Variants in PCDHGA3 observed in about 807,000 individuals in gnomAD.
PCDHGA3 encodes the protein protocadherin gamma-A3.
Under a neutral mutation model 58.5 loss-of-function variants are expected in PCDHGA3, and 40 were observed. The ratio of observed to expected loss-of-function variants is 0.68; its 90% CI spans 0.53 to 0.89. The LOEUF (loss-of-function observed/expected upper bound fraction) is 0.89, where lower values mean the gene tolerates loss of function less well. Among genes scored for constraint, PCDHGA3 ranks in the 40% least tolerant of loss-of-function variants. PCDHGA3 has a pLI of 0.00. For missense variants in PCDHGA3, 1,223 were observed against 1,195.9 expected (o/e 1.02, Z -0.33); for synonymous variants, 530 against 525.7 (o/e 1.01, Z -0.11).
chr5:141,505,078 C>G (rs535590642), intron 2 of PCDHGA3, among the ~76,000 whole-genome samples: 81 of 152,298 alleles, frequency 5.3e-4, no homozygotes, highest in African/African-American at 2.0e-3. Flanking sequence ...AGGAGAATCG[C>G]TTGAACCCAG....
rs775654786 is a variant in PCDHGA3 at position 141,491,718 on chromosome 5, G to A, written c.2425-3089G>A. Reference sequence around the variant, plus strand: ...GGAGCCAGGTGAGGGGCTCGGCGCCGCCCCGGGCGACCCCTGGGGGCGGCA... The same window carrying A: ...GGAGCCAGGTGAGGGGCTCGGCGCCACCCCGGGCGACCCCTGGGGGCGGCA... On this transcript the variant is annotated intron_variant, in intron 1 of 3. Coordinates refer to ENST00000253812, the MANE Select transcript of PCDHGA3 (RefSeq NM_018916.4). This position sits in a 1 kb window ranked among gnomAD's most constrained non-coding sequence, Gnocchi z 6.9. 1 of 1,607,600 alleles carries A rather than the reference G, an allele frequency of 6.2e-7. No homozygotes were observed. The highest frequency in any genetic ancestry group is 2.2e-5 in the East Asian group (1 of 44,690).
At chr5:141,370,675 A>G (rs567328067) in intron 1 of PCDHGA3, 2 of 1,613,844 alleles carry the variant, frequency 1.2e-6, no homozygotes, top group African/African-American at 2.7e-5. Flanking sequence ...GACCGAGAGG[A>G]GATTTGTGGC....
chr5:141,344,898 G>A lies in PCDHGA3; in HGVS notation c.865G>A (p.Ala289Thr), dbSNP rs367550413. The A allele has an allele frequency of 2.5e-6, 4 of 1,613,686 alleles. No homozygotes were observed. Among genetic ancestry groups the A allele is most frequent in the East Asian group, 2.2e-5 (1 of 44,886 alleles). The change falls in exon 1 of 4, where the codon GCT becomes ACT. Residue 289 changes from alanine to threonine, a missense_variant. Ala to Thr is a moderately conservative substitution (Grantham distance 58). Coordinates refer to ENST00000253812, the MANE Select transcript of PCDHGA3 (RefSeq NM_018916.4). ...TCTAGATAAAATGCCTGGGAAAATC[G>A]CTGAGATTTTCCATCTTAACTCAGT... ...YILDKMPGKIAEIFHLNSVSG... is the reference protein window; with the variant it reads ...YILDKMPGKITEIFHLNSVSG...
At chr5:141,400,903 T>C (rs1489476752) in intron 1 of PCDHGA3, among the ~76,000 whole-genome samples, 1 of 152,258 alleles carries the variant, frequency 6.6e-6, no homozygotes, top group Non-Finnish European at 1.5e-5. Flanking sequence ...TTAATTCATC[T>C]TTTAAAGCAA....
chr5:141,491,542 G>T lies in PCDHGA3; in HGVS notation c.2425-3265G>T, dbSNP rs112433306. The T allele has an allele frequency of 6.2e-7, 1 of 1,613,898 alleles. No homozygotes were observed. Among genetic ancestry groups the T allele is most frequent in the Admixed American group, 1.7e-5 (1 of 60,006 alleles). On this transcript the variant is annotated intron_variant, in intron 1 of 3. Transcript: ENST00000253812. This position sits in a 1 kb window ranked among gnomAD's most constrained non-coding sequence, Gnocchi z 6.9. ...CATGGAGGTGACGCTGCGGCCCACA[G>T]ACTCGCAGAGCCACTGCTACAGGAC...
intron 1 of PCDHGA3, chr5:141,383,069 G>A (rs370612007): frequency 6.2e-7 from 1 of 1,613,886 alleles, no homozygotes; most frequent in South Asian, 1.1e-5. Flanking sequence ...CTGGAGCCCC[G>A]GGAGCTGGCG....
In PCDHGA3 at chr5:141,344,381, T is replaced by G. The variant is rs746142169; in HGVS notation, c.348T>G (p.Ile116Met). ...TTCTGGTTGAGGATAAATTGAAAAT[T>G]TTTGAAGTAGAAATAGAAATTAAAG... Reference protein sequence around the residue: ...INILVEDKLKIFEVEIEIKDI... With the variant: ...INILVEDKLKMFEVEIEIKDI... Residue 116 changes from isoleucine (I) to methionine (M), a missense_variant, in exon 1 of 4, where the codon ATT becomes ATG. Transcript: ENST00000253812. 2.5e-6 allele frequency: 4 copies of G among 1,612,816 alleles called. No individual in the cohort carries two copies. The African/African-American group carries it at 4.0e-5, about 16-fold the overall frequency.
chr5:141,344,963 G>A lies in PCDHGA3; in HGVS notation c.930G>A (p.Glu310=). ...EVSILKSLDY[E]DAMFYEIKIE... ...CAATATTAAAAAGTCTAGATTATGA[G>A]GATGCCATGTTCTATGAAATTAAAA... The change falls in exon 1 of 4, where the codon GAG becomes GAA. Residue 310 remains glutamate (E), a synonymous_variant. Coordinates refer to ENST00000253812, the MANE Select transcript of PCDHGA3 (RefSeq NM_018916.4). The A allele has an allele frequency of 6.2e-7, 1 of 1,613,706 alleles. No homozygotes were observed. Among genetic ancestry groups the A allele is most frequent in the Non-Finnish European group, 8.5e-7 (1 of 1,179,724 alleles).
chr5:141,395,129 G>C (rs2093179899), intron 1 of PCDHGA3: 1 of 1,614,182 alleles, frequency 6.2e-7, no homozygotes, highest in African/African-American at 1.3e-5. Context: ...TCTTTCCCCA[G>C]CCCAACTACG....
chr5:141,489,491 T>C lies in PCDHGA3; in HGVS notation c.2425-5316T>C. On this transcript the variant is annotated intron_variant, in intron 1 of 3. Transcript: ENST00000253812. This position sits in a 1 kb window ranked among gnomAD's most constrained non-coding sequence, Gnocchi z 4.5. ...TCCCTGAGCTTGATGAGTGGTGCCC[T>C]GGCAGTGAATCAAAAGATTGACCGA... The C allele has an allele frequency of 6.2e-7, 1 of 1,614,066 alleles. No individual in the cohort carries two copies. The highest frequency in any genetic ancestry group is 8.5e-7 in the Non-Finnish European group (1 of 1,180,024).
rs773763605 is a variant in PCDHGA3, at chr5:141,476,631, A to G, written c.2425-18176A>G. On this transcript the variant is annotated intron_variant, in intron 1 of 3. Transcript: ENST00000253812. The surrounding 1 kb of genome is among the most constrained non-coding windows in gnomAD (Gnocchi z 7.6). ...GTGGGAAGCAACTCTTTACAAACCT[A>G]TGAGCTGAGCCGAAATGAATACTTT... The G allele has an allele frequency of 2.5e-6, 4 of 1,614,224 alleles. No individual in the cohort carries two copies. Among genetic ancestry groups the G allele is most frequent in the Admixed American group, 1.7e-5 (1 of 60,032 alleles).
chr5:141,392,892 G>C, intron 1 of PCDHGA3: 1 of 1,613,702 alleles, frequency 6.2e-7, no homozygotes, highest in East Asian at 2.2e-5. Flanking sequence ...GTGGGAAATC[G>C]GGAGGGGACA....
intron 1 of PCDHGA3, among the ~76,000 whole-genome samples, chr5:141,444,312 C>G (rs2098431691): frequency 6.6e-6 from 1 of 151,856 alleles, no homozygotes; most frequent in Non-Finnish European, 1.5e-5. Flanking sequence ...GCTAGGATTA[C>G]AGGCATGTGC....
chr5:141,399,038 A>G (rs1228007346), intron 1 of PCDHGA3: 2 of 1,613,854 alleles, frequency 1.2e-6, no homozygotes, highest in South Asian at 2.2e-5. Context: ...AAGAAACTGG[A>G]TTTTGAAGAG....
chr5:141,508,979 G>C (rs1317798009), intron 3 of PCDHGA3, among the ~76,000 whole-genome samples: 1 of 152,110 alleles, frequency 6.6e-6, no homozygotes, highest in Admixed American at 6.5e-5. Context: ...GCTGGGGGTG[G>C]GGGCCAGCTG....
intron 1 of PCDHGA3, chr5:141,394,345 C>T (rs748471730): frequency 1.2e-6 from 2 of 1,614,146 alleles, no homozygotes; most frequent in Non-Finnish European, 1.7e-6. Context: ...AACTCTGACA[C>T]CGGTGTCCTG....
chr5:141,455,255 C>T (rs1049752169), intron 1 of PCDHGA3, among the ~76,000 whole-genome samples: 16 of 152,146 alleles, frequency 1.1e-4, no homozygotes, highest in African/African-American at 3.9e-4. Flanking sequence ...AGTACAATCG[C>T]ATTTCTTCCC....
chr5:141,366,104 G>T (rs1764329842), intron 1 of PCDHGA3: 1 of 1,614,250 alleles, frequency 6.2e-7, no homozygotes, highest in Non-Finnish European at 8.5e-7. Context: ...GACCAAGGTG[G>T]TAGCGGTGGA....
chr5:141,485,666 A>G lies in PCDHGA3; in HGVS notation c.2425-9141A>G. ...GGCTCAGGATGCAGATGTGGGGAGC[A>G]ATTCGATTAGCAGCTATAGGCTGAG... On this transcript the variant is annotated intron_variant, in intron 1 of 3. Coordinates refer to ENST00000253812, the MANE Select transcript of PCDHGA3 (RefSeq NM_018916.4). The surrounding 1 kb of genome is among the most constrained non-coding windows in gnomAD (Gnocchi z 5.7). 1 of 1,612,786 alleles carries G rather than the reference A, an allele frequency of 6.2e-7. No homozygotes were observed. Among genetic ancestry groups the G allele is most frequent in the Non-Finnish European group, 8.5e-7 (1 of 1,178,960 alleles).
Sources: allele counts gnomAD v4.1 joint callset (sites outside exome capture counted in the v4.1 genomes callset), GRCh38; gene constraint gnomAD v4.1.1; non-coding constraint Gnocchi (gnomAD v3.1); transcripts MANE v1.5; gene names NCBI Gene and HGNC (gene_info 2026-07-23, HGNC 2026-07-21).